The following COPE variants were observed in gnomAD, a reference collection of about 807,000 sequenced individuals.
COPE encodes coatomer subunit epsilon.
Under a neutral mutation model 42.1 loss-of-function variants are expected in COPE, and 19 were observed. That is an observed-to-expected ratio of 0.45 (90% CI 0.31 to 0.66). COPE has a LOEUF of 0.66. Among genes scored for constraint, COPE ranks in the 30% least tolerant of loss-of-function variants. The pLI is 0.05. For missense variants in COPE, 402 were observed against 416.1 expected (o/e 0.97, Z 0.30); for synonymous variants, 195 against 181.3 (o/e 1.08, Z -0.60).
intron 1 of COPE, among the ~76,000 whole-genome samples, chr19:18,916,532 A>G (rs968663638): frequency 1.3e-5 from 2 of 151,728 alleles, no homozygotes; most frequent in Non-Finnish European, 2.9e-5. Context: ...ACTCATGCCT[A>G]TAATCCCAGC....
At chr19:18,900,799 C>G (rs1487832309) in intron 7 of COPE, among the ~76,000 whole-genome samples, 1 of 152,204 alleles carries the variant, frequency 6.6e-6, no homozygotes, top group Non-Finnish European at 1.5e-5. Context: ...ATGGGCAGAC[C>G]TGCCACCCCT....
intron 7 of COPE, among the ~76,000 whole-genome samples, chr19:18,901,014 C>A (rs1451458926): frequency 6.6e-6 from 1 of 152,220 alleles, no homozygotes; most frequent in Non-Finnish European, 1.5e-5. Context: ...TGGCAGGGCA[C>A]CTTTTTGCAG....
At chr19:18,908,630 C>T (rs2056782575) in intron 3 of COPE, among the ~76,000 whole-genome samples, 1 of 151,538 alleles carries the variant, frequency 6.6e-6, no homozygotes, top group Admixed American at 6.6e-5. Flanking sequence ...CATTCTCCCG[C>T]CTCAGCCTCC....
At position 18,907,054 on chromosome 19, in the gene COPE, T is replaced by C; in HGVS notation, c.349A>G (p.Thr117Ala). 1.2e-6 allele frequency: 2 copies of C among 1,608,232 alleles called. No homozygotes were observed. Among genetic ancestry groups the C allele is most frequent in the Non-Finnish European group, 8.5e-7 (1 of 1,177,866 alleles). Residue 117 changes from threonine (T) to alanine (A), a missense_variant, in exon 4 of 10, where the codon ACC (threonine) becomes GCC (alanine). Thr to Ala is a moderately conservative substitution (Grantham distance 58, BLOSUM62 0). Coordinates refer to ENST00000262812, the MANE Select transcript of COPE (RefSeq NM_007263.4). Reference protein sequence around the residue: ...EMSRSVDVTNTTFLLMAASIY... With the variant: ...EMSRSVDVTNATFLLMAASIY... ...GAGGCGGCCATGAGCAGGAAGGTGGTGTTGGTCACGTCCACGCTCCTGCTC... is the reference window on the plus strand; with the variant it reads ...GAGGCGGCCATGAGCAGGAAGGTGGCGTTGGTCACGTCCACGCTCCTGCTC...
At chr19:18,918,533 G>A (rs556398455) in intron 1 of COPE, among the ~76,000 whole-genome samples, 120 of 152,244 alleles carry the variant, frequency 7.9e-4, no homozygotes, top group South Asian at 1.4e-3. Context: ...CGGCCTCCGG[G>A]TTGAAGCGAT....
chr19:18,899,844 C>G, intron 9 of COPE, 29 bp downstream of exon 9: 1 of 1,612,320 alleles, frequency 6.2e-7, no homozygotes, highest in East Asian at 2.2e-5. Context: ...TGGCCTGGTT[C>G]TCGGGGACAG....
At chr19:18,910,011 A>T (rs1217983611) in intron 3 of COPE, among the ~76,000 whole-genome samples, 3 of 152,324 alleles carry the variant, frequency 2.0e-5, no homozygotes, top group African/African-American at 2.4e-5. Flanking sequence ...GCCTCTGCAC[A>T]GGAGTCAGCT....
intron 3 of COPE, chr19:18,910,658 T>C: frequency 2.7e-6 from 1 of 366,524 alleles, no homozygotes; most frequent in South Asian, 3.6e-5. Context: ...GGGCTCTGGG[T>C]GTTGCAGAGG....
chr19:18,913,042 G>A lies in COPE; in HGVS notation c.131C>T (p.Ser44Leu). The A allele has an allele frequency of 6.2e-7, 1 of 1,611,264 alleles. No individual in the cohort carries two copies. The change falls in exon 2 of 10, where the codon TCA becomes TTA. Residue 44 changes from serine (S) to leucine (L), a missense_variant. Ser to Leu is a moderately radical substitution (Grantham distance 145). Transcript: ENST00000262812. The part of the protein sequence containing the change: ...CINEAQRVKL[S>L]SPERDVERDV... ...CCTCTCCACGTCTCTCTCTGGGCTT[G>A]ATAGCTGTGGGAACCAATGTGAGTC...
intron 1 of COPE, among the ~76,000 whole-genome samples, chr19:18,916,443 C>T (rs1231078816): frequency 1.3e-5 from 2 of 151,912 alleles, no homozygotes; most frequent in African/African-American, 4.8e-5. Flanking sequence ...CACTTGAGGT[C>T]AAGAGTTCGA....
chr19:18,912,934 A>C, intron 2 of COPE, 50 bp downstream of exon 2: 1 of 1,588,628 alleles, frequency 6.3e-7, no homozygotes, highest in Admixed American at 1.7e-5. Context: ...CCCCAGCCCC[A>C]CCCTCTACTC....
chr19:18,905,476 G>C, intron 5 of COPE, 100 bp downstream of exon 5: 1 of 1,212,150 alleles, frequency 8.2e-7, no homozygotes, highest in Non-Finnish European at 1.1e-6. Context: ...AAGACAACAA[G>C]AGTAATGACA....
Sources: gnomAD v4.1 joint callset for allele counts (sites outside exome capture counted in the v4.1 genomes callset) on GRCh38, gnomAD v4.1.1 for gene constraint, MANE v1.5 for transcripts, NCBI Gene and HGNC (gene_info 2026-07-23, HGNC 2026-07-21) for gene names.